The following SLC5A11 variants were observed in gnomAD, a reference collection of about 807,000 sequenced individuals.
SLC5A11 encodes the protein solute carrier family 5 member 11.
SLC5A11 carries 48 observed loss-of-function variants against 69.8 expected under a neutral mutation model. That is an observed-to-expected ratio of 0.69 (90% CI 0.55 to 0.87). The LOEUF (loss-of-function observed/expected upper bound fraction) is 0.87. SLC5A11 is among the 40% of genes least tolerant of loss of function. The pLI, the probability that SLC5A11 is intolerant of heterozygous loss-of-function variation, is 0.00. For missense variants in SLC5A11, 784 were observed against 866.1 expected (o/e 0.91, Z 1.19); for synonymous variants, 319 against 342.4 (o/e 0.93, Z 0.75).
intron 1 of SLC5A11, among the ~76,000 whole-genome samples, chr16:24,851,972 T>TTAAA (rs2059328583): frequency 1.4e-5 from 2 of 139,054 alleles, no homozygotes; most frequent in Admixed American, 1.4e-4. Context: ...CCCTTGCTTC[T>TTAAA]CTCTCTCTCT....
chr16:24,852,362 C>T (rs1434639540), intron 1 of SLC5A11, among the ~76,000 whole-genome samples: 1 of 152,094 alleles, frequency 6.6e-6, no homozygotes, highest in Non-Finnish European at 1.5e-5. Flanking sequence ...TTCACATCTA[C>T]CATAGCAAAT....
rs139484914 is a variant in SLC5A11, at chr16:24,910,342, G to A, written c.1687G>A (p.Val563Met). 57 of 1,613,870 alleles carry A rather than the reference G, an allele frequency of 3.5e-5. No homozygotes were observed. Among genetic ancestry groups the A allele is most frequent in the Admixed American group, 3.0e-4 (18 of 59,962 alleles). Residue 563 changes from valine to methionine, a missense_variant, in exon 15 of 16, where the codon GTG becomes ATG. Transcript: ENST00000347898. The stretch of plus-strand genomic sequence containing the variant: ...GACCTGGTTTACTCGTCACGACCCC[G>A]TGGTCCAGAAGGAACAAGCACCACC...
chr16:24,868,471 C>T (rs1464438623), intron 3 of SLC5A11, among the ~76,000 whole-genome samples: 11 of 149,940 alleles, frequency 7.3e-5, no homozygotes, highest in Admixed American at 2.7e-4. Flanking sequence ...TGGTGGCGGG[C>T]GCCTGTAGTC....
intron 12 of SLC5A11, among the ~76,000 whole-genome samples, 181 bp downstream of exon 13, chr16:24,907,356 C>T (rs1056201335): frequency 6.6e-6 from 1 of 152,166 alleles, no homozygotes; most frequent in Non-Finnish European, 1.5e-5. Context: ...GCACAGGGCA[C>T]ATAACCATGA....
intron 1 of SLC5A11, among the ~76,000 whole-genome samples, chr16:24,850,463 G>A (rs1208635564): frequency 1.3e-5 from 2 of 152,260 alleles, no homozygotes; most frequent in Non-Finnish European, 2.9e-5. Context: ...CCAGGGCACA[G>A]CTTGCTGCAG....
chr16:24,854,419 TGTAAA>T (rs1209731362), intron 1 of SLC5A11, among the ~76,000 whole-genome samples: 3 of 150,702 alleles, frequency 2.0e-5, no homozygotes, highest in Non-Finnish European at 4.4e-5. Context: ...TCACTCCCCC[TGTAAA>T]GTAAAGTTTT....
At chr16:24,869,109 C>T (rs1277224172) in intron 3 of SLC5A11, among the ~76,000 whole-genome samples, 1 of 152,082 alleles carries the variant, frequency 6.6e-6, no homozygotes, top group Non-Finnish European at 1.5e-5. Context: ...CTCAAGTGAT[C>T]CGCCTGCCTC....
At chr16:24,876,837 CAG>C (rs1169197194) in intron 6 of SLC5A11, among the ~76,000 whole-genome samples, 1 of 152,156 alleles carries the variant, frequency 6.6e-6, no homozygotes, top group Non-Finnish European at 1.5e-5. Flanking sequence ...TGTTGAGAAA[CAG>C]AGGGTATTTC....
chr16:24,892,049 TAAAAAAAAAAAA>T (rs35705061), intron 9 of SLC5A11, among the ~76,000 whole-genome samples: 1 of 97,060 alleles, frequency 1.0e-5, no homozygotes, highest in African/African-American at 3.8e-5. Flanking sequence ...AGACCATCTC[TAAAAAAAAAAAA>T]AAAAAAAAAG....
intron 1 of SLC5A11, among the ~76,000 whole-genome samples, chr16:24,847,053 C>T (rs1470256360): frequency 7.9e-5 from 12 of 152,184 alleles, no homozygotes; most frequent in Admixed American, 7.9e-4. Context: ...AGTGAGTGGC[C>T]AAGCCAAGAC....
At chr16:24,858,870 T>TC in intron 2 of SLC5A11, 92 bp downstream of exon 3, 1 of 1,444,956 alleles carries the variant, frequency 6.9e-7, no homozygotes, top group Non-Finnish European at 9.2e-7. Context: ...GGAGCTAAGA[T>TC]ACTGACTGTG....
chr16:24,875,331 C>G (rs1306209212), intron 5 of SLC5A11, among the ~76,000 whole-genome samples: 1 of 152,112 alleles, frequency 6.6e-6, no homozygotes, highest in Non-Finnish European at 1.5e-5. Flanking sequence ...ACTACAGGCG[C>G]CTGTCACCAC....
intron 3 of SLC5A11, 40 bp from the exon 5 acceptor site, chr16:24,869,861 G>T: frequency 1.4e-6 from 2 of 1,461,296 alleles, no homozygotes; most frequent in South Asian, 2.3e-5. Context: ...AGGTACCCTT[G>T]ACTTTGTCTC....
rs151082145 is a variant in SLC5A11 at position 24,907,135 on chromosome 16, C to T, written c.1225C>T (p.Arg409Trp). ...CACCATGGACCTCTGGAATCACCTCCGGCCTCGGGCATCTGAGAAGGAGCT... is the reference window on the plus strand; with the variant it reads ...CACCATGGACCTCTGGAATCACCTCTGGCCTCGGGCATCTGAGAAGGAGCT... Residue 409 changes from arginine (R) to tryptophan (W), a missense_variant, in exon 12 of 16, where the codon CGG becomes TGG. Physicochemically the swap from Arg to Trp is moderately radical, Grantham distance 101 (BLOSUM62 -3). Transcript: ENST00000347898. 2.8e-4 allele frequency: 446 copies of T among 1,614,150 alleles called. 9 individuals are homozygous for T. The highest frequency in any genetic ancestry group is 2.5e-3 in the South Asian group (232 of 91,068).
chr16:24,866,428 A>G (rs902379330), intron 3 of SLC5A11, among the ~76,000 whole-genome samples: 1 of 151,882 alleles, frequency 6.6e-6, no homozygotes, highest in African/African-American at 2.4e-5. Context: ...GTGAAACTCC[A>G]CCTCTACCAA....
intron 1 of SLC5A11, among the ~76,000 whole-genome samples, chr16:24,847,951 G>A (rs2059103090): frequency 6.6e-6 from 1 of 152,194 alleles, no homozygotes. Flanking sequence ...CACATCAAGT[G>A]TTACACTTGA....
At chr16:24,861,778 A>AAAGG (rs920895252) in intron 2 of SLC5A11, among the ~76,000 whole-genome samples, 17 of 147,952 alleles carry the variant, frequency 1.1e-4, no homozygotes, top group Admixed American at 6.1e-4. Context: ...AGAGAAAGAA[A>AAAGG]AAGGAAGGAA....
intron 9 of SLC5A11, among the ~76,000 whole-genome samples, chr16:24,892,651 T>G (rs1468070911): frequency 6.6e-6 from 1 of 152,168 alleles, no homozygotes; most frequent in Non-Finnish European, 1.5e-5. Context: ...GTTCAAATAT[T>G]ATTTTTCTGG....
rs778758207 is a variant in SLC5A11, at chr16:24,875,632, C to G, written c.378C>G (p.Thr126=). The change falls in exon 6 of 16, where the codon ACC becomes ACG. Residue 126 remains threonine (T), a synonymous_variant. Transcript: ENST00000347898. ...ATCTCAGCTCTGGCCCTCAGGTCAC[C>G]ACGATGCCAGAATACCTACGGAAGC... 19 of 1,613,324 alleles carry G rather than the reference C, an allele frequency of 1.2e-5. 1 individual carries two copies. The highest frequency in any genetic ancestry group is 4.5e-5 in the East Asian group (2 of 44,836).
Sources: gnomAD v4.1 joint callset for allele counts (sites outside exome capture counted in the v4.1 genomes callset) on GRCh38, gnomAD v4.1.1 for gene constraint, MANE v1.5 for transcripts, NCBI Gene and HGNC (gene_info 2026-07-23, HGNC 2026-07-21) for gene names.